Variants in POFUT2 observed in about 807,000 individuals in gnomAD.
POFUT2 encodes the protein protein O-fucosyltransferase 2, also known as GDP-fucose protein O-fucosyltransferase 2.
A neutral mutation model predicts 55.0 loss-of-function variants in POFUT2; 30 were observed. That is an observed-to-expected ratio of 0.55 (90% confidence interval 0.41 to 0.74). POFUT2 has a LOEUF of 0.74. Ranked by LOEUF, POFUT2 falls within the 30% of genes least tolerant of loss-of-function variation. The pLI is 0.00. For missense variants in POFUT2, 524 were observed against 562.6 expected (o/e 0.93, Z 0.69); for synonymous variants, 267 against 231.1 (o/e 1.16, Z -1.41).
chr21:45,279,337 G>A (rs558689416), intron 4 of POFUT2, among the ~76,000 whole-genome samples: 4 of 152,304 alleles, frequency 2.6e-5, no homozygotes, highest in African/African-American at 9.6e-5. Context: ...TGAGGTTGCA[G>A]TGAGCCGAGA....
chr21:45,272,329 A>G (rs2093225999), intron 6 of POFUT2, among the ~76,000 whole-genome samples: 1 of 152,242 alleles, frequency 6.6e-6, no homozygotes, highest in Non-Finnish European at 1.5e-5. Context: ...ATATAATGAT[A>G]AAAGGATCAG....
rs144651498 is a variant in POFUT2 at position 45,265,222 on chromosome 21, A to G, written c.*260T>C. ...ACCACGCGGGCACTGCTGGCAACCG[A>G]GCTGTGGGTTCACAGACGCTGCCTG... On this transcript the variant is annotated 3_prime_UTR_variant, in exon 9 of 9. Coordinates refer to ENST00000349485, the MANE Select transcript of POFUT2 (RefSeq NM_133635.6). This position sits in a 1 kb window ranked among gnomAD's most constrained non-coding sequence, Gnocchi z 4.6. 210 of 372,724 alleles carry G rather than the reference A, an allele frequency of 5.6e-4. No homozygotes were observed. Among genetic ancestry groups the G allele is most frequent in the African/African-American group, 3.9e-3 (186 of 48,142 alleles). 23.1% of individuals were successfully genotyped at this position (372,724 alleles called of 1,614,324 possible).
At chr21:45,275,669 T>C (rs1354799336) in intron 6 of POFUT2, among the ~76,000 whole-genome samples, 1 of 152,168 alleles carries the variant, frequency 6.6e-6, no homozygotes, top group Non-Finnish European at 1.5e-5. Flanking sequence ...AAATATTGTA[T>C]GTTCTCACGG....
chr21:45,266,274 C>T (rs776130409), intron 8 of POFUT2: 1 of 1,367,464 alleles, frequency 7.3e-7, no homozygotes, highest in Non-Finnish European at 9.8e-7. Context: ...GCAAATGTAA[C>T]ATGCACAGCG....
rs1366552686 is a variant in POFUT2, at chr21:45,278,147, C to T, written c.661G>A (p.Glu221Lys). ...CCATAGTGGTCGTGAAGTAGGTTCT[C>T]GGCTCTGTCTAACATCACGGACCTG... ...SARSVMLDRA[E>K]NLLHDHYGGK... Residue 221 changes from glutamate (E) to lysine (K), a missense_variant, in exon 5 of 9, where the codon GAG becomes AAG. This residue lies in a region of POFUT2 where 250 missense variants were observed against 318.2 expected (regional missense o/e 0.79). Transcript: ENST00000349485. 4 of 1,613,502 alleles carry T rather than the reference C, an allele frequency of 2.5e-6. No homozygotes were observed. The highest frequency in any genetic ancestry group is 1.7e-5 in the Admixed American group (1 of 60,010).
chr21:45,282,400 TG>T lies in POFUT2; in HGVS notation c.586del (p.Gln196ArgfsTer12), dbSNP rs1225618784. 3.1e-6 allele frequency: 5 copies of T among 1,613,640 alleles called. No homozygotes were observed. On this transcript the variant is annotated frameshift_variant, in exon 4 of 9. Coordinates refer to ENST00000349485, the MANE Select transcript of POFUT2 (RefSeq NM_133635.6). LOFTEE classifies it high-confidence loss of function. This position sits in a 1 kb window ranked among gnomAD's most constrained non-coding sequence, Gnocchi z 4.6. ...GGGCGCCACGATGGAGGCTGAGCCCTGGACGGACAGACAGGAGACGTTTAGA... is the reference window on the plus strand; with the variant it reads ...GGGCGCCACGATGGAGGCTGAGCCCTGACGGACAGACAGGAGACGTTTAGA... ...RGLNVSCLSV[Q>X]GSASIVAPLL...
At chr21:45,269,102 C>T (rs1164649679) in intron 7 of POFUT2, among the ~76,000 whole-genome samples, 2 of 145,532 alleles carry the variant, frequency 1.4e-5, no homozygotes, top group African/African-American at 2.6e-5. Flanking sequence ...TCTGCCCGGC[C>T]GCCCCTACTG....
chr21:45,268,104 C>T (rs1387693751), intron 7 of POFUT2, among the ~76,000 whole-genome samples: 2 of 152,132 alleles, frequency 1.3e-5, no homozygotes, highest in Non-Finnish European at 2.9e-5. Context: ...CCTGGTTCTC[C>T]TGCCTCAGCC....
chr21:45,267,622 C>T lies in POFUT2; in HGVS notation c.1104G>A (p.Ala368=), dbSNP rs139057503. 35 of 1,614,100 alleles carry T rather than the reference C, an allele frequency of 2.2e-5. 1 individual carries two copies. The East Asian group carries it at 2.5e-4, about 11-fold the overall frequency. ...ELELYKDGGV[A]IIDQWICAHA... ...GTGCGCAGATCCACTGGTCAATAAT[C>T]GCAACGCCTCCGTCCTTGTAGAGCT... The change falls in exon 8 of 9, where the codon GCG becomes GCA. Residue 368 remains alanine (A), a synonymous_variant. Transcript: ENST00000349485. The surrounding 1 kb of genome is among the most constrained non-coding windows in gnomAD (Gnocchi z 4.4).
chr21:45,286,192 G>C (rs2031387821), intron 1 of POFUT2, among the ~76,000 whole-genome samples: 2 of 152,162 alleles, frequency 1.3e-5, no homozygotes, highest in Admixed American at 6.5e-5. Flanking sequence ...TGGAACCCAA[G>C]AATCAGTACC....
chr21:45,267,553 C>T lies in POFUT2; in HGVS notation c.1136+37G>A, dbSNP rs150469315. 27 of 1,614,036 alleles carry T rather than the reference C, an allele frequency of 1.7e-5. No individual in the cohort carries two copies. The highest frequency in any genetic ancestry group is 4.5e-5 in the East Asian group (2 of 44,894). ...GACAGAAGAACCTTTGAAAGCCACC[C>T]GACCCGCTCTCGGCCGACAGTGACG... On this transcript the variant is annotated intron_variant, in intron 8 of 8. Transcript: ENST00000349485. This position sits in a 1 kb window ranked among gnomAD's most constrained non-coding sequence, Gnocchi z 4.4.
At chr21:45,266,906 CA>C (rs1344574665) in intron 8 of POFUT2, 42 of 1,016,214 alleles carry the variant, frequency 4.1e-5, no homozygotes, top group Non-Finnish European at 4.7e-5. Flanking sequence ...CCCCAGCCTT[CA>C]TCTCCTATGC....
chr21:45,285,274 T>C lies in POFUT2; in HGVS notation c.382+404A>G, dbSNP rs969656539. The C allele has an allele frequency of 1.5e-5, 4 of 258,192 alleles. No individual in the cohort carries two copies. Among genetic ancestry groups the C allele is most frequent in the Non-Finnish European group, 3.1e-5 (4 of 128,950 alleles). The allele number at this position is 258,192 out of a possible 1,614,324, so 16.0% of individuals were successfully genotyped here. A position where few individuals can be genotyped will look rare whatever the true frequency, so the allele number is the denominator to read the frequency against. On this transcript the variant is annotated intron_variant, in intron 2 of 8. Coordinates refer to ENST00000349485, the MANE Select transcript of POFUT2 (RefSeq NM_133635.6). This position sits in a 1 kb window ranked among gnomAD's most constrained non-coding sequence, Gnocchi z 4.9. Reference sequence around the variant, plus strand: ...CAAAATTAAACGAGACAGACCTTTATCCCTGGCGCTGCACTGAGACACCAC... The same window carrying C: ...CAAAATTAAACGAGACAGACCTTTACCCCTGGCGCTGCACTGAGACACCAC...
rs1416329050 is a variant in POFUT2, at chr21:45,270,147, AG to A, written c.832-129del. 3.4e-6 allele frequency: 2 copies of A among 591,538 alleles called. No homozygotes were observed. The highest frequency in any genetic ancestry group is 6.8e-5 in the East Asian group (2 of 29,570). 36.6% of individuals were successfully genotyped at this position (591,538 alleles called of 1,614,324 possible). Reference sequence around the variant, plus strand: ...GTGGCCTCCTCCACGGGGTGGCTCCAGGGCTGTCTAAGGGATTCAGGTGGAA... The same window carrying A: ...GTGGCCTCCTCCACGGGGTGGCTCCAGGCTGTCTAAGGGATTCAGGTGGAA... On this transcript the variant is annotated intron_variant, in intron 6 of 8. Transcript: ENST00000349485. The surrounding 1 kb of genome is among the most constrained non-coding windows in gnomAD (Gnocchi z 4.6).
chr21:45,281,514 T>C lies in POFUT2; in HGVS notation c.638+835A>G, dbSNP rs552193773. Among the ~76,000 whole-genome samples the C allele has an allele frequency of 6.6e-6, 1 of 152,084 alleles. No homozygotes were observed. Among genetic ancestry groups the C allele is most frequent in the East Asian group, 1.9e-4 (1 of 5,146 alleles). On this transcript the variant is annotated intron_variant, in intron 4 of 8. Coordinates refer to ENST00000349485, the MANE Select transcript of POFUT2 (RefSeq NM_133635.6). This position sits in a 1 kb window ranked among gnomAD's most constrained non-coding sequence, Gnocchi z 5.0. ...CAAAGGCCCAGAGCAGCTGAGACCA[T>C]GTGGTCCCGGCCCGCTGGGGCCAGC... is the stretch of plus-strand genomic sequence containing the variant.
Position 45,282,067 on chromosome 21 carries a change from C to T in POFUT2, c.638+282G>A, listed in dbSNP as rs1428745458. ...GTCTCATGGTGAGCTCCCCGCCGCC[C>T]CCAGCCCAGCTCAGCCCCTCCCTGT... On this transcript the variant is annotated intron_variant, in intron 4 of 8. Coordinates refer to ENST00000349485, the MANE Select transcript of POFUT2 (RefSeq NM_133635.6). This position sits in a 1 kb window ranked among gnomAD's most constrained non-coding sequence, Gnocchi z 4.6. Among the ~76,000 whole-genome samples the T allele has an allele frequency of 6.6e-6, 1 of 152,188 alleles. No individual in the cohort carries two copies. Among genetic ancestry groups the T allele is most frequent in the Non-Finnish European group, 1.5e-5 (1 of 68,022 alleles).
chr21:45,283,418 C>A lies in POFUT2; in HGVS notation c.492G>T (p.Gln164His). 6.2e-7 allele frequency: 1 copy of A among 1,612,810 alleles called. No homozygotes were observed. The highest frequency in any genetic ancestry group is 1.1e-5 in the South Asian group (1 of 91,074). ...EKVDERPCID[Q>H]LLYSQDKHEY... is the part of the protein sequence containing the mutation. ...CGTGCTTGTCCTGGGAGTACAGGAG[C>A]TGATCAATACACGGCCGCTCGTCCA... The change falls in exon 3 of 9, where the codon CAG (glutamine) becomes CAT (histidine). Residue 164 changes from glutamine (Q) to histidine (H), a missense_variant. Physicochemically the swap from Gln to His is conservative, Grantham distance 24. This residue lies in a region of POFUT2 where 274 missense variants were observed against 244.4 expected (regional missense o/e 1.12). Transcript: ENST00000349485.
Position 45,277,231 on chromosome 21 carries a change from AC to A in POFUT2, c.706-90del. 1 of 1,510,510 alleles carries A rather than the reference AC, an allele frequency of 6.6e-7. No individual in the cohort carries two copies. Among genetic ancestry groups the A allele is most frequent in the South Asian group, 1.2e-5 (1 of 82,052 alleles). 93.6% of individuals were successfully genotyped at this position (1,510,510 alleles called of 1,614,324 possible). ...GGTTCTCCTGTCGCTGCCACCACCCACCCCCGCAGCTGGAACAAGCCCCTCA... is the reference window on the plus strand; with the variant it reads ...GGTTCTCCTGTCGCTGCCACCACCCACCCCGCAGCTGGAACAAGCCCCTCA... On this transcript the variant is annotated intron_variant, in intron 5 of 8. Transcript: ENST00000349485. This position sits in a 1 kb window ranked among gnomAD's most constrained non-coding sequence, Gnocchi z 6.9.
chr21:45,266,355 G>T (rs561407909), intron 8 of POFUT2: 7 of 1,316,576 alleles, frequency 5.3e-6, no homozygotes, highest in Non-Finnish European at 4.0e-6. Context: ...GCACTGGTGG[G>T]GAGACCCTCA....
Sources: allele counts gnomAD v4.1 joint callset (sites outside exome capture counted in the v4.1 genomes callset), GRCh38; gene constraint gnomAD v4.1.1; regional missense constraint gnomAD v4.1.1; non-coding constraint Gnocchi (gnomAD v3.1); transcripts MANE v1.5; gene names NCBI Gene and HGNC (gene_info 2026-07-23, HGNC 2026-07-21).